SEMA5A: variants seen among roughly 807,000 people sequenced by gnomAD.
SEMA5A encodes the protein semaphorin 5A, also known as semaphorin-5A.
Under a neutral mutation model 135.5 loss-of-function variants are expected in SEMA5A, and 55 were observed. The observed-to-expected ratio is 0.41, with a 90% confidence interval of 0.33 to 0.51. SEMA5A has a LOEUF of 0.51. Among genes scored for constraint, SEMA5A ranks in the 20% least tolerant of loss-of-function variants. SEMA5A has a pLI of 0.37. For synonymous variants in SEMA5A, 580 were observed against 546.5 expected (o/e 1.06, Z -0.85); for missense variants, 1,290 against 1,419.9 (o/e 0.91, Z 1.47).
intron 3 of SEMA5A, among the ~76,000 whole-genome samples, chr5:9,344,359 T>C (rs1279953208): frequency 6.6e-6 from 1 of 152,108 alleles, no homozygotes; most frequent in Admixed American, 6.5e-5. Context: ...AAGACACAGA[T>C]TAAAAATCAA....
intron 3 of SEMA5A, chr5:9,363,485 G>T (rs1754788717): frequency 6.6e-6 from 1 of 152,208 alleles, no homozygotes; most frequent in African/African-American, 2.4e-5. Context: ...TTGCCTGAGT[G>T]AGAGAAGTTC....
chr5:9,288,990 G>T (rs532051307), intron 5 of SEMA5A, among the ~76,000 whole-genome samples: 74 of 152,244 alleles, frequency 4.9e-4, no homozygotes, highest in South Asian at 1.0e-3. Context: ...GAATCCTAGC[G>T]TAGTGACATT....
chr5:9,303,561 A>C (rs1751718349), intron 5 of SEMA5A, among the ~76,000 whole-genome samples: 1 of 152,118 alleles, frequency 6.6e-6, no homozygotes, highest in African/African-American at 2.4e-5. Flanking sequence ...TGTTTCTAGG[A>C]GGTATAATAT....
chr5:9,299,060 A>T (rs1277031660), intron 5 of SEMA5A, among the ~76,000 whole-genome samples: 1 of 152,120 alleles, frequency 6.6e-6, no homozygotes, highest in African/African-American at 2.4e-5. Flanking sequence ...AAGCAGAGTG[A>T]GTTAGATTTG....
At chr5:9,175,066 G>A (rs1026154637) in intron 11 of SEMA5A, among the ~76,000 whole-genome samples, 1 of 152,106 alleles carries the variant, frequency 6.6e-6, no homozygotes, top group African/African-American at 2.4e-5. Context: ...TGACTGTGGT[G>A]GGCCAGGTGA....
chr5:9,192,816 C>T (rs1408478776), intron 10 of SEMA5A, among the ~76,000 whole-genome samples: 1 of 152,148 alleles, frequency 6.6e-6, no homozygotes, highest in East Asian at 1.9e-4. Context: ...CAGTTAGCTG[C>T]CTACCTGCTG....
chr5:9,173,015 C>T lies in SEMA5A; in HGVS notation c.1273+17252G>A, dbSNP rs1264045625. 8.5e-5 allele frequency among the ~76,000 whole-genome samples: 13 copies of T among 152,290 alleles called. 1 individual carries two copies. The South Asian group carries it at 2.7e-3, about 32-fold the overall frequency. ...AATCCAGAATCTGGTGATAAGTGTT[C>T]TCTTGGTCAGAAACTTATTAAACGT... On this transcript the variant is annotated intron_variant, in intron 11 of 22. Transcript: ENST00000382496.
At chr5:9,050,095 C>T (rs904190616) in intron 21 of SEMA5A, among the ~76,000 whole-genome samples, 8 of 152,078 alleles carry the variant, frequency 5.3e-5, no homozygotes, top group Non-Finnish European at 8.8e-5. Flanking sequence ...CTAATTGAAC[C>T]ACCAACTGCT....
intron 13 of SEMA5A, 64 bp downstream of exon 13, chr5:9,136,440 A>T (rs923501697): frequency 9.6e-6 from 13 of 1,351,260 alleles, no homozygotes; most frequent in Middle Eastern, 1.8e-4. Context: ...GTGACTGAGG[A>T]TCGCCAGGGG....
At chr5:9,337,122 C>G (rs995710637) in intron 4 of SEMA5A, among the ~76,000 whole-genome samples, 1 of 152,144 alleles carries the variant, frequency 6.6e-6, no homozygotes, top group African/African-American at 2.4e-5. Context: ...AGATGTTGAC[C>G]TAGATACGGG....
chr5:9,095,830 T>A (rs868316899), intron 16 of SEMA5A, among the ~76,000 whole-genome samples: 16 of 152,234 alleles, frequency 1.1e-4, no homozygotes. Context: ...CAAACGAGTA[T>A]AATGCAATCA....
chr5:9,202,526 T>A (rs1339276414), intron 8 of SEMA5A, among the ~76,000 whole-genome samples: 1 of 152,180 alleles, frequency 6.6e-6, no homozygotes, highest in African/African-American at 2.4e-5. Context: ...CCAACAAAAA[T>A]TGGCAGCAAA....
intron 5 of SEMA5A, among the ~76,000 whole-genome samples, chr5:9,275,037 C>A (rs1234993867): frequency 3.9e-5 from 6 of 151,936 alleles, no homozygotes; most frequent in African/African-American, 1.5e-4. Context: ...ATCAATGAAT[C>A]CAGGAGCTGG....
chr5:9,363,960 A>C (rs1006309126), intron 3 of SEMA5A, among the ~76,000 whole-genome samples: 1 of 152,204 alleles, frequency 6.6e-6, no homozygotes, highest in Non-Finnish European at 1.5e-5. Context: ...TTCATGGGAG[A>C]AGCACAGTAT....
chr5:9,091,318 G>C (rs1231860363), intron 16 of SEMA5A, among the ~76,000 whole-genome samples: 1 of 152,184 alleles, frequency 6.6e-6, no homozygotes, highest in Admixed American at 6.5e-5. Flanking sequence ...GAATGAAATG[G>C]TGTTTCCCTT....
intron 5 of SEMA5A, among the ~76,000 whole-genome samples, chr5:9,310,135 T>C (rs1009583601): frequency 2.0e-5 from 3 of 152,146 alleles, no homozygotes; most frequent in Non-Finnish European, 4.4e-5. Flanking sequence ...GGTGACAAAC[T>C]TTTTCTTAAA....
intron 1 of SEMA5A, among the ~76,000 whole-genome samples, chr5:9,540,745 G>A (rs910032732): frequency 9.9e-5 from 15 of 152,182 alleles, no homozygotes; most frequent in African/African-American, 2.7e-4. Context: ...CCTCCGAAGC[G>A]TTCTCTTTCC....
intron 2 of SEMA5A, among the ~76,000 whole-genome samples, chr5:9,420,629 A>G (rs1393850165): frequency 6.6e-6 from 1 of 152,136 alleles, no homozygotes; most frequent in African/African-American, 2.4e-5. Flanking sequence ...TATCCCTTGT[A>G]AGAGTATTTT....
At chr5:9,175,179 CA>C (rs1056557110) in intron 11 of SEMA5A, among the ~76,000 whole-genome samples, 4 of 151,988 alleles carry the variant, frequency 2.6e-5, no homozygotes, top group African/African-American at 7.3e-5. Flanking sequence ...AAAGGTCATC[CA>C]GATCCCGTGT....
Sources: allele counts gnomAD v4.1 joint callset (sites outside exome capture counted in the v4.1 genomes callset), GRCh38; gene constraint gnomAD v4.1.1; transcripts MANE v1.5; gene names NCBI Gene and HGNC (gene_info 2026-07-23, HGNC 2026-07-21).